CPQ: variants seen among roughly 807,000 people sequenced by gnomAD.
CPQ encodes Ser-Met dipeptidase.
Under a neutral mutation model 45.7 loss-of-function variants are expected in CPQ, and 37 were observed. The ratio of observed to expected loss-of-function variants is 0.81; its 90% confidence interval spans 0.62 to 1.07. CPQ has a LOEUF of 1.07. Among genes scored for constraint, CPQ ranks in the 50% least tolerant of loss-of-function variants. The pLI is 0.00. For synonymous variants in CPQ, 186 were observed against 205.8 expected, an observed-to-expected ratio of 0.90 and a Z score of 0.82; for missense variants, 537 against 572.9, an observed-to-expected ratio of 0.94 and a Z score of 0.64.
chr8:96,918,414 GT>G (rs954208242), intron 4 of CPQ, among the ~76,000 whole-genome samples: 2 of 151,586 alleles, frequency 1.3e-5, no homozygotes, highest in Admixed American at 6.6e-5. Context: ...TTTCCTGTTT[GT>G]TTTTTTAAAT....
intron 1 of CPQ, among the ~76,000 whole-genome samples, chr8:96,663,042 T>C (rs1808863233): frequency 1.3e-5 from 2 of 152,186 alleles, no homozygotes; most frequent in Admixed American, 6.5e-5. Flanking sequence ...GGTAATCACC[T>C]TTCAAGTCAT....
intron 2 of CPQ, among the ~76,000 whole-genome samples, chr8:96,809,708 T>A (rs1586409415): frequency 6.6e-6 from 1 of 152,120 alleles, no homozygotes; most frequent in East Asian, 1.9e-4. Context: ...TATGGAATTG[T>A]ATACTGAAAA....
At chr8:96,943,174 C>T (rs902244920) in intron 4 of CPQ, among the ~76,000 whole-genome samples, 3 of 152,134 alleles carry the variant, frequency 2.0e-5, no homozygotes, top group African/African-American at 7.2e-5. Flanking sequence ...TGTAAAATAA[C>T]AGATAATCCC....
At chr8:96,937,717 AT>A (rs972406569) in intron 4 of CPQ, among the ~76,000 whole-genome samples, 1 of 152,156 alleles carries the variant, frequency 6.6e-6, no homozygotes, top group African/African-American at 2.4e-5. Flanking sequence ...GTCAATTGCC[AT>A]GTTTTTTAGG....
At chr8:96,811,188 T>C (rs1283979595) in intron 2 of CPQ, among the ~76,000 whole-genome samples, 1 of 152,202 alleles carries the variant, frequency 6.6e-6, no homozygotes, top group African/African-American at 2.4e-5. Context: ...TCCACAAGTC[T>C]TAAAATCTGA....
At chr8:96,782,338 C>T (rs551779421) in intron 1 of CPQ, among the ~76,000 whole-genome samples, 121 of 152,244 alleles carry the variant, frequency 7.9e-4, no homozygotes, top group African/African-American at 2.9e-3. Flanking sequence ...GGAGCAGAGG[C>T]CTTAGCTGCA....
In CPQ at chr8:96,737,399, A is replaced by C. The variant is rs1403640706; in HGVS notation, c.-34-47465A>C. ...TTATTAAGTATTAACTTACATGATT[A>C]CAAGGTCCCACAATAGGCTGTCTGC... is the stretch of plus-strand genomic sequence containing the variant. On this transcript the variant is annotated intron_variant, in intron 1 of 7. Transcript: ENST00000220763. 2.9e-5 allele frequency among the ~76,000 whole-genome samples: 4 copies of C among 137,848 alleles called. No homozygotes were observed. The Admixed American group carries it at 3.0e-4, about 10-fold the overall frequency. 90.4% of individuals were successfully genotyped at this position (137,848 alleles called of 152,430 possible).
chr8:96,689,063 A>C (rs915487340), intron 1 of CPQ, among the ~76,000 whole-genome samples: 1 of 152,204 alleles, frequency 6.6e-6, no homozygotes, highest in Non-Finnish European at 1.5e-5. Context: ...AAATTTCTTC[A>C]TAAGAACTGA....
intron 3 of CPQ, among the ~76,000 whole-genome samples, chr8:96,854,552 A>ACC (rs1251596194): frequency 7.8e-6 from 1 of 127,812 alleles, no homozygotes; most frequent in Non-Finnish European, 1.7e-5. Context: ...AAAAAAAAAA[A>ACC]AAAAAAATGT....
At chr8:96,792,555 G>C (rs1810862190) in intron 2 of CPQ, among the ~76,000 whole-genome samples, 1 of 152,140 alleles carries the variant, frequency 6.6e-6, no homozygotes, top group Non-Finnish European at 1.5e-5. Context: ...TATTATGTTT[G>C]TATGCCATAT....
At chr8:96,746,953 T>A (rs1810193543) in intron 1 of CPQ, among the ~76,000 whole-genome samples, 1 of 152,130 alleles carries the variant, frequency 6.6e-6, no homozygotes, top group Non-Finnish European at 1.5e-5. Flanking sequence ...ACTCTTGGAT[T>A]TTAAGTAGTA....
chr8:96,988,061 A>G (rs189297792), intron 5 of CPQ, among the ~76,000 whole-genome samples: 1 of 152,334 alleles, frequency 6.6e-6, no homozygotes, highest in East Asian at 1.9e-4. Context: ...ATCTATATCC[A>G]AAGAATTCAG....
At chr8:97,127,932 G>A (rs1811874356) in intron 7 of CPQ, among the ~76,000 whole-genome samples, 2 of 152,170 alleles carry the variant, frequency 1.3e-5, no homozygotes, top group South Asian at 4.1e-4. Context: ...GCCCGAGACG[G>A]GGGTGGGAAG....
intron 5 of CPQ, among the ~76,000 whole-genome samples, chr8:96,968,921 G>A (rs1813616808): frequency 1.3e-5 from 2 of 152,198 alleles, no homozygotes; most frequent in African/African-American, 4.8e-5. Context: ...GTGAAGCGTC[G>A]TTGAATACTT....
chr8:96,991,551 G>T (rs1809091910), intron 5 of CPQ, among the ~76,000 whole-genome samples: 1 of 114,612 alleles, frequency 8.7e-6, no homozygotes, highest in Admixed American at 8.8e-5. Flanking sequence ...ACAAGAGTCT[G>T]TCATAATAAT....
At chr8:97,030,263 A>T (rs1329184936) in intron 6 of CPQ, among the ~76,000 whole-genome samples, 1 of 152,162 alleles carries the variant, frequency 6.6e-6, no homozygotes, top group Admixed American at 6.5e-5. Context: ...CTGCTGCTGG[A>T]TGGTTTCCCC....
chr8:96,934,014 G>C (rs929859133), intron 4 of CPQ, among the ~76,000 whole-genome samples: 21 of 152,288 alleles, frequency 1.4e-4, no homozygotes, highest in African/African-American at 5.1e-4. Flanking sequence ...CACCTGGAAG[G>C]CATTCAGTAA....
chr8:97,067,959 C>A (rs944300178), intron 7 of CPQ, among the ~76,000 whole-genome samples: 1 of 152,022 alleles, frequency 6.6e-6, no homozygotes, highest in Non-Finnish European at 1.5e-5. Flanking sequence ...AATTGAGAAA[C>A]CCTGAATAAG....
chr8:96,683,815 G>C (rs1809186688), intron 1 of CPQ, among the ~76,000 whole-genome samples: 1 of 146,616 alleles, frequency 6.8e-6, no homozygotes, highest in Non-Finnish European at 1.5e-5. Flanking sequence ...TCTGTGCTTG[G>C]TATACTCTAT....
Sources: allele counts gnomAD v4.1 joint callset (sites outside exome capture counted in the v4.1 genomes callset), GRCh38; gene constraint gnomAD v4.1.1; transcripts MANE v1.5; gene names NCBI Gene and HGNC (gene_info 2026-07-23, HGNC 2026-07-21).